COL5A1: variants seen among roughly 807,000 people sequenced by gnomAD.
The protein encoded by COL5A1 is collagen alpha-1(V) chain.
COL5A1 carries 16 observed loss-of-function variants against 263.7 expected under a neutral mutation model. The ratio of observed to expected loss-of-function variants is 0.06; its 90% CI spans 0.04 to 0.09. COL5A1 has a LOEUF of 0.09. COL5A1 is among the 10% of genes least tolerant of loss of function. The probability of loss-of-function intolerance (pLI) is 1.00; values close to 1 mark genes in which losing one functional copy is unlikely to be tolerated. For synonymous variants in COL5A1, 1,012 were observed against 1,004.5 expected (o/e 1.01, Z -0.14); for missense variants, 2,036 against 2,540.5 (o/e 0.80, Z 4.27).
At chr9:134,762,006 C>T (rs1226479450) in intron 19 of COL5A1, 28 bp downstream of exon 19, 4 of 1,609,906 alleles carry the variant, frequency 2.5e-6, no homozygotes, top group Admixed American at 1.7e-5. Context: ...CCTCCGACTG[C>T]TCCTGCCTGC....
At chr9:134,685,064 C>T (rs1832974485) in intron 1 of COL5A1, among the ~76,000 whole-genome samples, 13 of 93,556 alleles carry the variant, frequency 1.4e-4, no homozygotes, top group East Asian at 3.4e-4. Flanking sequence ...CACCATCCAT[C>T]CATCCATCCA....
intron 65 of COL5A1, among the ~76,000 whole-genome samples, chr9:134,835,762 G>T (rs902912427): frequency 6.6e-6 from 1 of 152,340 alleles, no homozygotes; most frequent in African/African-American, 2.4e-5. Flanking sequence ...GGCAGTCAGG[G>T]CTGGTATTGG....
chr9:134,710,267 C>T (rs529895954), intron 4 of COL5A1, among the ~76,000 whole-genome samples: 78 of 152,304 alleles, frequency 5.1e-4, no homozygotes, highest in African/African-American at 7.7e-4. Context: ...CCTGCCCGCG[C>T]GAGACGGTGG....
chr9:134,824,881 G>A (rs1250683541), intron 62 of COL5A1, 26 bp downstream of exon 62: 3 of 1,596,192 alleles, frequency 1.9e-6, no homozygotes, highest in Non-Finnish European at 1.7e-6. Context: ...GGCAGGGGTG[G>A]CCCCCCAAAG....
chr9:134,667,565 G>C (rs1832398037), intron 1 of COL5A1, among the ~76,000 whole-genome samples: 2 of 152,332 alleles, frequency 1.3e-5, no homozygotes, highest in South Asian at 4.1e-4. Flanking sequence ...TGCCCCACTA[G>C]GGCCTCACCT....
At position 134,842,866 on chromosome 9, in the gene COL5A1, T is replaced by C. The variant is rs1308923664; in HGVS notation, c.*563T>C. 1 of 164,398 alleles carries C rather than the reference T, an allele frequency of 6.1e-6. No homozygotes were observed. Among genetic ancestry groups the C allele is most frequent in the African/African-American group, 2.4e-5 (1 of 41,600 alleles). The allele number at this position is 164,398 out of a possible 1,614,324, so 10.2% of individuals were successfully genotyped here. The stretch of plus-strand genomic sequence containing the variant: ...TCCCGATGGATTAAAGGTGCTTATG[T>C]TTTTGTGAGTTTTAAGTAAATATTT... On this transcript the variant is annotated 3_prime_UTR_variant, in exon 66 of 66. Coordinates refer to ENST00000371817, the MANE Select transcript of COL5A1 (RefSeq NM_000093.5). The surrounding 1 kb of genome is among the most constrained non-coding windows in gnomAD (Gnocchi z 5.8).
rs188120737 is a variant in COL5A1, at chr9:134,701,187, C to G, written c.508C>G (p.Leu170Val). 1.7e-5 allele frequency: 27 copies of G among 1,613,954 alleles called. No homozygotes were observed. The highest frequency in any genetic ancestry group is 2.2e-5 in the Non-Finnish European group (26 of 1,180,030). ...TCTTTGCAGGTGGCACAGAATTGCT[C>G]TCAGCGTCCACAAGAAAAATGTCAC... ...LSDGKWHRIALSVHKKNVTLI... is the reference protein window; with the variant it reads ...LSDGKWHRIAVSVHKKNVTLI... The change falls in exon 4 of 66, where the codon CTC (leucine) becomes GTC (valine). Residue 170 changes from leucine to valine, a missense_variant. This residue lies in a region of COL5A1 where 600 missense variants were observed against 634.5 expected (regional missense o/e 0.95). Transcript: ENST00000371817.
Position 134,755,523 on chromosome 9 carries a change from C to T in COL5A1, c.1827+1197C>T, listed in dbSNP as rs997807001. Among the ~76,000 whole-genome samples the T allele has an allele frequency of 6.6e-6, 1 of 152,154 alleles. No homozygotes were observed. Among genetic ancestry groups the T allele is most frequent in the Non-Finnish European group, 1.5e-5 (1 of 68,042 alleles). ...GGGGCTTGGAGCTGAGGGGTCGATTCCAAAGTGGTCTGAGCAGCCTCTTCC... is the reference window on the plus strand; with the variant it reads ...GGGGCTTGGAGCTGAGGGGTCGATTTCAAAGTGGTCTGAGCAGCCTCTTCC... On this transcript the variant is annotated intron_variant, in intron 16 of 65. Transcript: ENST00000371817. The surrounding 1 kb of genome is among the most constrained non-coding windows in gnomAD (Gnocchi z 4.1).
chr9:134,802,846 G>T lies in COL5A1; in HGVS notation c.3007-42G>T, dbSNP rs1048189519. The T allele has an allele frequency of 4.9e-6, 7 of 1,436,994 alleles. No homozygotes were observed. In the African/African-American group the frequency reaches 7.0e-5, roughly 14 times the overall value. 89.0% of individuals were successfully genotyped at this position (1,436,994 alleles called of 1,614,324 possible). On this transcript the variant is annotated intron_variant, in intron 38 of 65. Transcript: ENST00000371817. Reference sequence around the variant, plus strand: ...GGAAGAGATTCTCACTCCCTTGCAAGTCACTCGAAACGTCTGTGGCTGACA... The same window carrying T: ...GGAAGAGATTCTCACTCCCTTGCAATTCACTCGAAACGTCTGTGGCTGACA...
intron 23 of COL5A1, 127 bp downstream of exon 23, chr9:134,767,180 G>C: frequency 7.1e-7 from 1 of 1,418,022 alleles, no homozygotes. Context: ...CCCTTATCTG[G>C]AGGGAGACTA....
intron 60 of COL5A1, among the ~76,000 whole-genome samples, 158 bp from the exon 61 acceptor site, chr9:134,823,258 C>A (rs1422345153): frequency 6.6e-6 from 1 of 152,212 alleles, no homozygotes; most frequent in East Asian, 1.9e-4. Context: ...CTCAAGGATC[C>A]AGGAGGGTAC....
At chr9:134,739,884 A>T (rs1011168649) in intron 11 of COL5A1, among the ~76,000 whole-genome samples, 7 of 151,940 alleles carry the variant, frequency 4.6e-5, no homozygotes, top group Non-Finnish European at 1.0e-4. Context: ...TGGGGAGGAG[A>T]TGGGAGCACT....
chr9:134,836,564 G>A (rs983476301), intron 65 of COL5A1, among the ~76,000 whole-genome samples: 22 of 152,332 alleles, frequency 1.4e-4, no homozygotes, highest in Admixed American at 1.2e-3. Flanking sequence ...TGAGCAACAC[G>A]GATGGGTCCT....
Position 134,677,070 on chromosome 9 carries a change from G to A in COL5A1, c.110-13842G>A, listed in dbSNP as rs146134402. 3.3e-5 allele frequency among the ~76,000 whole-genome samples: 5 copies of A among 152,190 alleles called. No individual in the cohort carries two copies. The highest frequency in any genetic ancestry group is 3.3e-4 in the Admixed American group (5 of 15,284). On this transcript the variant is annotated intron_variant, in intron 1 of 65. Coordinates refer to ENST00000371817, the MANE Select transcript of COL5A1 (RefSeq NM_000093.5). The surrounding 1 kb of genome is among the most constrained non-coding windows in gnomAD (Gnocchi z 4.4). Reference sequence around the variant, plus strand: ...CCATGGAGTGCTCTGGTTGTGGTTTGCTGGGGAGACACAGAAGAGGCAGGG... The same window carrying A: ...CCATGGAGTGCTCTGGTTGTGGTTTACTGGGGAGACACAGAAGAGGCAGGG...
chr9:134,829,884 GC>G lies in COL5A1; in HGVS notation c.5068-90del. On this transcript the variant is annotated intron_variant, in intron 63 of 65. Coordinates refer to ENST00000371817, the MANE Select transcript of COL5A1 (RefSeq NM_000093.5). Reference sequence around the variant, plus strand: ...CCGGCGTGAGGATGCAGGCGCGGGGGCCGGGAAAGCCTGGGGCCTTGCTCTG... The same window carrying G: ...CCGGCGTGAGGATGCAGGCGCGGGGGCGGGAAAGCCTGGGGCCTTGCTCTG... 3 of 1,412,050 alleles carry G rather than the reference GC, an allele frequency of 2.1e-6. No homozygotes were observed. In the South Asian group the frequency reaches 3.7e-5, roughly 17 times the overall value. The allele number at this position is 1,412,050 out of a possible 1,614,324, so 87.5% of individuals were successfully genotyped here.
Position 134,780,083 on chromosome 9 carries a change from T to C in COL5A1, c.2386-19T>C. On this transcript the variant is annotated intron_variant, in intron 27 of 65. Coordinates refer to ENST00000371817, the MANE Select transcript of COL5A1 (RefSeq NM_000093.5). Reference sequence around the variant, plus strand: ...AGACTTGTAACCATTCACTCCTTTTTCTTTTCCCACCCGCACAGGGGGCCG... The same window carrying C: ...AGACTTGTAACCATTCACTCCTTTTCCTTTTCCCACCCGCACAGGGGGCCG... 6.2e-7 allele frequency: 1 copy of C among 1,613,552 alleles called. No individual in the cohort carries two copies. The highest frequency in any genetic ancestry group is 8.5e-7 in the Non-Finnish European group (1 of 1,179,992).
chr9:134,800,749 CAAAAAAAAAA>C (rs397951217), intron 37 of COL5A1, among the ~76,000 whole-genome samples: 10 of 81,620 alleles, frequency 1.2e-4, no homozygotes, highest in Admixed American at 3.2e-4. Context: ...CTGTCTCAAA[CAAAAAAAAAA>C]AAAAAAAAAA....
rs543014323 is a variant in COL5A1, at chr9:134,824,615, G to A, written c.4714G>A (p.Val1572Ile). Residue 1572 changes from valine (V) to isoleucine (I), a missense_variant, in exon 62 of 66, where the codon GTC (valine) becomes ATC (isoleucine). Val to Ile is a conservative substitution (Grantham distance 29, BLOSUM62 3). Coordinates refer to ENST00000371817, the MANE Select transcript of COL5A1 (RefSeq NM_000093.5). Reference sequence around the variant, plus strand: ...TGTCCCCCAGGGCCCCCCGGGAGAGGTCATCCAGCCCCTGCCAATCCAGGC... The same window carrying A: ...TGTCCCCCAGGGCCCCCCGGGAGAGATCATCCAGCCCCTGCCAATCCAGGC... ...PPGPPGPPGEVIQPLPIQASR... is the reference protein window; with the variant it reads ...PPGPPGPPGEIIQPLPIQASR... 2 of 1,614,084 alleles carry A rather than the reference G, an allele frequency of 1.2e-6. No individual in the cohort carries two copies. Among genetic ancestry groups the A allele is most frequent in the South Asian group, 2.2e-5 (2 of 91,078 alleles).
chr9:134,795,193 G>A (rs1837854418), intron 33 of COL5A1, 67 bp downstream of exon 33: 4 of 1,612,898 alleles, frequency 2.5e-6, no homozygotes, highest in Non-Finnish European at 3.4e-6. Flanking sequence ...GCACGTGCCA[G>A]GGGCTGGGGG....
Sources: allele counts gnomAD v4.1 joint callset (sites outside exome capture counted in the v4.1 genomes callset), GRCh38; gene constraint gnomAD v4.1.1; regional missense constraint gnomAD v4.1.1; non-coding constraint Gnocchi (gnomAD v3.1); transcripts MANE v1.5; gene names NCBI Gene and HGNC (gene_info 2026-07-23, HGNC 2026-07-21).